MFF: variants seen among roughly 807,000 people sequenced by gnomAD.
MFF encodes chromosome 2 open reading frame 33.
Under a neutral mutation model 36.9 loss-of-function variants are expected in MFF, and 12 were observed. The ratio of observed to expected loss-of-function variants is 0.33; its 90% CI spans 0.21 to 0.53. MFF has a LOEUF of 0.53. Ranked by LOEUF, MFF falls within the 20% of genes least tolerant of loss-of-function variation. The probability of loss-of-function intolerance (pLI) is 0.95; values close to 1 mark genes in which losing one functional copy is unlikely to be tolerated. For missense variants in MFF, 348 were observed against 366.6 expected (o/e 0.95, Z 0.42); for synonymous variants, 99 against 126.2 (o/e 0.78, Z 1.44).
intron 7 of MFF, among the ~76,000 whole-genome samples, chr2:227,353,659 AC>A (rs1310464414): frequency 6.6e-6 from 1 of 152,224 alleles, no homozygotes; most frequent in African/African-American, 2.4e-5. Flanking sequence ...TCTAATAAAT[AC>A]GGTTTTTGTT....
chr2:227,354,639 C>T (rs1234473233), intron 7 of MFF, among the ~76,000 whole-genome samples: 1 of 152,196 alleles, frequency 6.6e-6, no homozygotes, highest in Non-Finnish European at 1.5e-5. Flanking sequence ...TAGTGTCATT[C>T]ACCTAGAAAT....
chr2:227,347,917 G>GT (rs2075795879), intron 6 of MFF, among the ~76,000 whole-genome samples: 1 of 152,198 alleles, frequency 6.6e-6, no homozygotes, highest in Non-Finnish European at 1.5e-5. Flanking sequence ...ATTTTTCAGT[G>GT]TTGATAATTT....
intron 5 of MFF, among the ~76,000 whole-genome samples, chr2:227,341,653 C>G (rs2075398399): frequency 1.3e-5 from 2 of 152,082 alleles, no homozygotes; most frequent in Admixed American, 1.3e-4. Flanking sequence ...ATGTATTACA[C>G]AAACGGTAAA....
intron 4 of MFF, among the ~76,000 whole-genome samples, chr2:227,334,160 A>G (rs1351592898): frequency 6.6e-6 from 1 of 152,236 alleles, no homozygotes; most frequent in African/African-American, 2.4e-5. Flanking sequence ...AAAGATAAGA[A>G]TAATGCCAAG....
At chr2:227,332,883 G>C (rs966251766) in intron 4 of MFF, among the ~76,000 whole-genome samples, 1 of 152,158 alleles carries the variant, frequency 6.6e-6, no homozygotes, top group African/African-American at 2.4e-5. Flanking sequence ...AGAAAATGTT[G>C]GGAAGTTTAG....
chr2:227,328,332 G>GT (rs2074325154), intron 1 of MFF, among the ~76,000 whole-genome samples: 1 of 121,086 alleles, frequency 8.3e-6, no homozygotes, highest in Non-Finnish European at 1.7e-5. Context: ...CAATTCATTT[G>GT]TTCTTCTTTA....
intron 5 of MFF, among the ~76,000 whole-genome samples, chr2:227,344,326 C>T (rs1260497476): frequency 2.0e-5 from 3 of 152,070 alleles, no homozygotes; most frequent in Non-Finnish European, 4.4e-5. Flanking sequence ...TTCTCAGTGC[C>T]TTTGCAGTAT....
chr2:227,338,721 T>C (rs2075193889), intron 4 of MFF, among the ~76,000 whole-genome samples: 1 of 151,412 alleles, frequency 6.6e-6, no homozygotes, highest in Non-Finnish European at 1.5e-5. Flanking sequence ...TCCCAGCTAC[T>C]CAGGATGCCG....
rs2076311942 is a variant in MFF, at chr2:227,357,432, A to AT, written c.*317dup. 9.8e-6 allele frequency: 2 copies of AT among 203,790 alleles called. No individual in the cohort carries two copies. Among genetic ancestry groups the AT allele is most frequent in the East Asian group, 2.4e-4 (2 of 8,214 alleles). The allele number at this position is 203,790 out of a possible 1,614,324, so 12.6% of individuals were successfully genotyped here. A position where few individuals can be genotyped will look rare whatever the true frequency, so the allele number is the denominator to read the frequency against. On this transcript the variant is annotated 3_prime_UTR_variant, in exon 9 of 9. Transcript: ENST00000304593. ...TTTGCCTCATCAGTCCACCCAACTG[A>AT]TTCTGAATGGGAGAGAGTCTGTAGA...
At position 227,345,924 on chromosome 2, in the gene MFF, G is replaced by A. The variant is rs77895112; in HGVS notation, c.441-1302G>A. On this transcript the variant is annotated intron_variant, in intron 5 of 8. Transcript: ENST00000304593. ...GGCTTGATAGATAGTTGCTTTATAC[G>A]TTAAGATTTGGCTTAGATCTTTTAA... 4.1e-4 allele frequency among the ~76,000 whole-genome samples: 62 copies of A among 152,232 alleles called. No individual in the cohort carries two copies. In the East Asian group the frequency reaches 6.9e-3, roughly 17 times the overall value.
intron 7 of MFF, chr2:227,355,384 G>A (rs746460253): frequency 4.8e-6 from 1 of 208,834 alleles, no homozygotes; most frequent in Non-Finnish European, 9.6e-6. Flanking sequence ...ACCCTTTTTA[G>A]CATCGCCAAT....
At chr2:227,335,804 C>T (rs2074958553) in intron 4 of MFF, among the ~76,000 whole-genome samples, 1 of 152,176 alleles carries the variant, frequency 6.6e-6, no homozygotes, top group African/African-American at 2.4e-5. Flanking sequence ...AAATGTGAGG[C>T]TTGGCTGGAA....
Position 227,357,184 on chromosome 2 carries a change from T to G in MFF, c.*67T>G, listed in dbSNP as rs2076303207. 6.5e-7 allele frequency: 1 copy of G among 1,546,530 alleles called. No homozygotes were observed. The highest frequency in any genetic ancestry group is 2.3e-5 in the East Asian group (1 of 44,340). ...AATATAAAAGATTTGCAAACTTCTT[T>G]GTTTCTGTCTCTGCATTGTATGCCA... On this transcript the variant is annotated 3_prime_UTR_variant, in exon 9 of 9. Coordinates refer to ENST00000304593, the MANE Select transcript of MFF (RefSeq NM_001277062.2).
chr2:227,337,410 G>A (rs573246641), intron 4 of MFF, among the ~76,000 whole-genome samples: 1 of 152,312 alleles, frequency 6.6e-6, no homozygotes, highest in Admixed American at 6.5e-5. Context: ...ACAGAAAATG[G>A]GGGTGAGTAT....
At chr2:227,338,838 A>C (rs1292514700) in intron 4 of MFF, among the ~76,000 whole-genome samples, 5 of 130,688 alleles carry the variant, frequency 3.8e-5, no homozygotes, top group Non-Finnish European at 7.3e-5. Flanking sequence ...CTGTCTCAAA[A>C]AAAAACAAAA....
chr2:227,340,377 C>T lies in MFF; in HGVS notation c.437C>T (p.Ser146Phe). Residue 146 changes from serine to phenylalanine, a missense_variant, in exon 5 of 9, where the codon TCT becomes TTT. Transcript: ENST00000304593. ...AATGGACAGCTGGTCAGAAATGATT[C>T]TCTGTGAGTAGAAGCACTAGCATTT... ...RQNGQLVRNDSLVTPSPQQAR... is the reference protein window; with the variant it reads ...RQNGQLVRNDFLVTPSPQQAR... 6.2e-7 allele frequency: 1 copy of T among 1,611,506 alleles called. No individual in the cohort carries two copies. Among genetic ancestry groups the T allele is most frequent in the Non-Finnish European group, 8.5e-7 (1 of 1,177,770 alleles).
intron 1 of MFF, chr2:227,325,651 T>C (rs10176715): frequency 0.96 from 145,760 of 152,346 alleles, 69,968 homozygotes; most frequent in East Asian, 1. Context: ...GAGAGGAGCG[T>C]CTTCTGCAGG....
At chr2:227,340,013 ATTGATAC>A (rs2075297181) in intron 4 of MFF, among the ~76,000 whole-genome samples, 2 of 152,354 alleles carry the variant, frequency 1.3e-5, no homozygotes, top group South Asian at 4.1e-4. Flanking sequence ...ACCAAGTAAA[ATTGATAC>A]TTAAAAAGAA....
At chr2:227,355,813 T>A (rs760360124) in intron 8 of MFF, 52 bp downstream of exon 8, 1 of 1,075,546 alleles carries the variant, frequency 9.3e-7, no homozygotes, top group Non-Finnish European at 1.4e-6. Flanking sequence ...CATACAATAT[T>A]TTAAAGTGAT....
Sources: allele counts gnomAD v4.1 joint callset (sites outside exome capture counted in the v4.1 genomes callset), GRCh38; gene constraint gnomAD v4.1.1; transcripts MANE v1.5; gene names NCBI Gene and HGNC (gene_info 2026-07-23, HGNC 2026-07-21).